Variants in RELT observed in about 807,000 individuals in gnomAD.
RELT encodes the protein tumor necrosis factor receptor superfamily member 19L.
A neutral mutation model predicts 51.1 loss-of-function variants in RELT; 37 were observed. That is an observed-to-expected ratio of 0.72 (90% CI 0.56 to 0.95). RELT has a LOEUF of 0.95. RELT is among the 40% of genes least tolerant of loss of function. The pLI is 0.00. For synonymous variants in RELT, 241 were observed against 235.7 expected (o/e 1.02, Z -0.21); for missense variants, 535 against 572.6 (o/e 0.93, Z 0.67).
Position 73,394,859 on chromosome 11 carries a change from G to A in RELT, c.1046+125G>A, listed in dbSNP as rs1356505800. 5.9e-6 allele frequency: 7 copies of A among 1,196,404 alleles called. No individual in the cohort carries two copies. Among genetic ancestry groups the A allele is most frequent in the Non-Finnish European group, 8.1e-6 (7 of 866,240 alleles). 74.1% of individuals were successfully genotyped at this position (1,196,404 alleles called of 1,614,324 possible). ...TCAATGGGAGCCCTGCCCTTATTGG[G>A]CCTCTCTGGGCAGTGGAGGCGGCCA... On this transcript the variant is annotated intron_variant, in intron 9 of 10. Transcript: ENST00000064780. The surrounding 1 kb of genome is among the most constrained non-coding windows in gnomAD (Gnocchi z 4.9).
In RELT at chr11:73,388,027, C is replaced by A. The variant is rs1866152032; in HGVS notation, c.-25-1085C>A. ...CTCTGCCACCTGTCCCTTCTGCTGT[C>A]TGATGTGAATCCTTTGTCCTGCTGT... On this transcript the variant is annotated intron_variant, in intron 1 of 10. Coordinates refer to ENST00000064780, the MANE Select transcript of RELT (RefSeq NM_152222.2). The surrounding 1 kb of genome is among the most constrained non-coding windows in gnomAD (Gnocchi z 4.1). Among the ~76,000 whole-genome samples, 1 of 152,220 alleles carries A rather than the reference C, an allele frequency of 6.6e-6. No homozygotes were observed. The highest frequency in any genetic ancestry group is 1.9e-4 in the East Asian group (1 of 5,196).
intron 2 of RELT, among the ~76,000 whole-genome samples, chr11:73,390,150 TTAA>T (rs1866187081): frequency 6.6e-6 from 1 of 152,018 alleles, no homozygotes; most frequent in African/African-American, 2.4e-5. Flanking sequence ...ATGAGGCTGG[TTAA>T]TGATATGCCC....
At chr11:73,378,980 G>A (rs1866009617) in intron 1 of RELT, among the ~76,000 whole-genome samples, 1 of 152,218 alleles carries the variant, frequency 6.6e-6, no homozygotes, top group Non-Finnish European at 1.5e-5. Context: ...GCATGTTATG[G>A]TGGGGAGCAG....
At chr11:73,380,496 CCTTTCCA>C (rs1866034876) in intron 1 of RELT, among the ~76,000 whole-genome samples, 1 of 152,180 alleles carries the variant, frequency 6.6e-6, no homozygotes, top group Non-Finnish European at 1.5e-5. Flanking sequence ...CGGGCCCTCT[CCTTTCCA>C]AGTTGGTATG....
chr11:73,393,667 T>A (rs1324482585), intron 6 of RELT, 170 bp from the exon 7 acceptor site: 1 of 1,579,458 alleles, frequency 6.3e-7, no homozygotes, highest in African/African-American at 1.4e-5. Flanking sequence ...GATATGGGCT[T>A]CTCTGAGCCT....
At position 73,393,871 on chromosome 11, in the gene RELT, T is replaced by A. The variant is rs1315141314; in HGVS notation, c.660T>A (p.Asn220Lys). 1 of 1,613,978 alleles carries A rather than the reference T, an allele frequency of 6.2e-7. No individual in the cohort carries two copies. Among genetic ancestry groups the A allele is most frequent in the East Asian group, 2.2e-5 (1 of 44,870 alleles). ...CTGCCTACCGGACTGAGGATGCCAA[T>A]GAGGACACCATTGGGGTCCTGGTGC... ...INPAYRTEDA[N>K]EDTIGVLVRL... Residue 220 changes from asparagine to lysine, a missense_variant, in exon 7 of 11, where the codon AAT (asparagine) becomes AAA (lysine). Physicochemically the swap from Asn to Lys is moderately conservative, Grantham distance 94. Coordinates refer to ENST00000064780, the MANE Select transcript of RELT (RefSeq NM_152222.2).
intron 6 of RELT, 193 bp downstream of exon 6, chr11:73,392,661 G>T (rs1367962261): frequency 2.1e-6 from 3 of 1,423,924 alleles, no homozygotes; most frequent in Non-Finnish European, 2.8e-6. Flanking sequence ...GGGCAGAGCA[G>T]AGGTGGCACA....
chr11:73,395,877 C>G lies in RELT; in HGVS notation c.*386C>G. On this transcript the variant is annotated 3_prime_UTR_variant, in exon 11 of 11. Coordinates refer to ENST00000064780, the MANE Select transcript of RELT (RefSeq NM_152222.2). ...CCCCATTCCTTGGTAATTAGCCACA[C>G]CCTTGCCTCTGTACAGGGCCCTAGA... 3.0e-6 allele frequency: 1 copy of G among 331,554 alleles called. No homozygotes were observed. The highest frequency in any genetic ancestry group is 9.1e-4 in the Middle Eastern group (1 of 1,098). 20.5% of individuals were successfully genotyped at this position (331,554 alleles called of 1,614,324 possible).
Position 73,395,152 on chromosome 11 carries a change from C to A in RELT, c.1112C>A (p.Thr371Lys). The A allele has an allele frequency of 2.5e-6, 4 of 1,613,616 alleles. No homozygotes were observed. Among genetic ancestry groups the A allele is most frequent in the Non-Finnish European group, 3.4e-6 (4 of 1,180,008 alleles). ...ATGGTGTCTGAGGTGAAGACCATCA[C>A]GGAGGCTGGGCCCTCGTGGGGTGAT... ...SSMVSEVKTITEAGPSWGDLP... is the reference protein window; with the variant it reads ...SSMVSEVKTIKEAGPSWGDLP... The change falls in exon 10 of 11, where the codon ACG (threonine) becomes AAG (lysine). Residue 371 changes from threonine (T) to lysine (K), a missense_variant. Transcript: ENST00000064780.
intron 1 of RELT, among the ~76,000 whole-genome samples, chr11:73,379,548 A>T (rs567689540): frequency 1.3e-5 from 2 of 152,324 alleles, no homozygotes; most frequent in Non-Finnish European, 2.9e-5. Context: ...TGAGGTTCTG[A>T]GAATTCAGGG....
chr11:73,393,484 G>A (rs1866251376), intron 6 of RELT: 2 of 1,230,176 alleles, frequency 1.6e-6, no homozygotes, highest in Non-Finnish European at 2.1e-6. Context: ...GTTCTGGGTA[G>A]GGTGGCAGCC....
intron 4 of RELT, 73 bp from the exon 5 acceptor site, chr11:73,391,071 A>G: frequency 6.5e-7 from 1 of 1,542,184 alleles, no homozygotes; most frequent in Non-Finnish European, 8.9e-7. Flanking sequence ...CCTGGTAGGA[A>G]GGAATCCAGC....
rs747832504 is a variant in RELT, at chr11:73,395,405, C to A, written c.1246-39C>A. Reference sequence around the variant, plus strand: ...CCACTTTCCTGGAGCCAGAAGCCAGCCCCTGACTCAGCTCTGACCCCTCAC... The same window carrying A: ...CCACTTTCCTGGAGCCAGAAGCCAGACCCTGACTCAGCTCTGACCCCTCAC... On this transcript the variant is annotated intron_variant, in intron 10 of 10. Transcript: ENST00000064780. The A allele has an allele frequency of 4.3e-6, 5 of 1,174,706 alleles. No individual in the cohort carries two copies. The Admixed American group carries it at 5.0e-5, about 12-fold the overall frequency. The allele number at this position is 1,174,706 out of a possible 1,614,324, so 72.8% of individuals were successfully genotyped here. A position where few individuals can be genotyped will look rare whatever the true frequency, so the allele number is the denominator to read the frequency against.
intron 3 of RELT, 56 bp downstream of exon 3, chr11:73,390,681 A>G: frequency 6.2e-7 from 1 of 1,611,364 alleles, no homozygotes; most frequent in East Asian, 2.2e-5. Context: ...GGCCAGGGGC[A>G]GAGTCCTGTG....
At chr11:73,377,690 C>T (rs1268871214) in intron 1 of RELT, among the ~76,000 whole-genome samples, 1 of 142,642 alleles carries the variant, frequency 7.0e-6, no homozygotes, top group Non-Finnish European at 1.5e-5. Context: ...GACCCCCCCG[C>T]CCCCCTCCCC....
Position 73,396,619 on chromosome 11 carries a change from A to T in RELT, c.*1128A>T, listed in dbSNP as rs1866323165. 6.6e-6 allele frequency: 1 copy of T among 152,304 alleles called. No homozygotes were observed. Among genetic ancestry groups the T allele is most frequent in the Admixed American group, 6.5e-5 (1 of 15,292 alleles). 9.4% of individuals were successfully genotyped at this position (152,304 alleles called of 1,614,324 possible). ...GTCTCCACCCCCTTCCATGTGTTGA[A>T]TAATAAAAGGTGGGAAAGTGCTGTC... On this transcript the variant is annotated 3_prime_UTR_variant, in exon 11 of 11. Transcript: ENST00000064780.
intron 1 of RELT, among the ~76,000 whole-genome samples, chr11:73,378,255 A>G (rs1364214474): frequency 3.3e-5 from 5 of 150,990 alleles, no homozygotes; most frequent in Admixed American, 6.6e-5. Context: ...TCCCTAGTCT[A>G]GGAGAGGGTG....
rs750671494 is a variant in RELT, at chr11:73,394,295, A to T, written c.766A>T (p.Thr256Ser). The T allele has an allele frequency of 1.2e-6, 2 of 1,612,540 alleles. No individual in the cohort carries two copies. Among genetic ancestry groups the T allele is most frequent in the Non-Finnish European group, 1.7e-6 (2 of 1,179,854 alleles). ...GTACCACAGCAAACAGCTGGTGCAG[A>T]CGAGCCACAGGCCTGTGTCCAAGTG... ...KEYHSKQLVQ[T>S]SHRPVSKLPP... is the part of the protein sequence containing the mutation. The change falls in exon 8 of 11, where the codon ACG becomes TCG. Residue 256 changes from threonine to serine, a missense_variant. Transcript: ENST00000064780. This position sits in a 1 kb window ranked among gnomAD's most constrained non-coding sequence, Gnocchi z 4.9.
At chr11:73,383,788 G>C (rs527427259) in intron 1 of RELT, among the ~76,000 whole-genome samples, 1 of 152,208 alleles carries the variant, frequency 6.6e-6, no homozygotes, top group Non-Finnish European at 1.5e-5. Context: ...ATGAGGGCCC[G>C]GCCTGCACAG....
Sources: allele counts gnomAD v4.1 joint callset (sites outside exome capture counted in the v4.1 genomes callset), GRCh38; gene constraint gnomAD v4.1.1; non-coding constraint Gnocchi (gnomAD v3.1); transcripts MANE v1.5; gene names NCBI Gene and HGNC (gene_info 2026-07-23, HGNC 2026-07-21).